The following METTL15 variants were observed in gnomAD, a reference collection of about 807,000 sequenced individuals.
METTL15 encodes the protein 12S rRNA N(4)-cytidine methyltransferase METTL15.
A neutral mutation model predicts 38.3 loss-of-function variants in METTL15; 34 were observed. That is an observed-to-expected ratio of 0.89 (90% confidence interval 0.68 to 1.18). The LOEUF is 1.18. METTL15 is among the 50% of genes most tolerant of loss of function. The probability of loss-of-function intolerance (pLI) is 0.00; values close to 1 mark genes in which losing one functional copy is unlikely to be tolerated. For missense variants in METTL15, 438 were observed against 498.4 expected (o/e 0.88, Z 1.15); for synonymous variants, 162 against 170.9 (o/e 0.95, Z 0.41).
At chr11:28,179,410 T>C (rs1421052949) in intron 3 of METTL15, among the ~76,000 whole-genome samples, 1 of 151,768 alleles carries the variant, frequency 6.6e-6, no homozygotes, top group East Asian at 1.9e-4. Flanking sequence ...TTGTAATTAC[T>C]ACTCAAATGA....
intron 6 of METTL15, among the ~76,000 whole-genome samples, chr11:28,315,580 G>T (rs1857450349): frequency 6.6e-6 from 1 of 152,230 alleles, no homozygotes; most frequent in African/African-American, 2.4e-5. Context: ...GCTGACTGCA[G>T]AAATTTGCAT....
At chr11:28,273,446 G>T (rs531049042) in intron 4 of METTL15, among the ~76,000 whole-genome samples, 43 of 151,970 alleles carry the variant, frequency 2.8e-4, no homozygotes, top group African/African-American at 9.9e-4. Flanking sequence ...TTTTCTACAA[G>T]GTAATGTAGG....
intron 5 of METTL15, among the ~76,000 whole-genome samples, chr11:28,410,421 A>C (rs1850714582): frequency 6.6e-6 from 1 of 152,144 alleles, no homozygotes; most frequent in Non-Finnish European, 1.5e-5. Context: ...GAGACTATAC[A>C]TTATGACCAT....
intron 4 of METTL15, among the ~76,000 whole-genome samples, chr11:28,260,618 C>A (rs1362967323): frequency 6.6e-6 from 1 of 152,130 alleles, no homozygotes; most frequent in Non-Finnish European, 1.5e-5. Context: ...GCTACTACCC[C>A]CAGTCTCTCT....
chr11:28,127,713 A>G (rs1041398001), intron 3 of METTL15, among the ~76,000 whole-genome samples: 51 of 152,292 alleles, frequency 3.3e-4, no homozygotes, highest in African/African-American at 1.2e-3. Context: ...TATGTAGAAT[A>G]AGCATTACCA....
intron 4 of METTL15, among the ~76,000 whole-genome samples, chr11:28,288,649 C>T (rs1490246832): frequency 1.3e-5 from 2 of 151,994 alleles, no homozygotes; most frequent in Non-Finnish European, 2.9e-5. Flanking sequence ...ACAACACACA[C>T]TGGGGCCTAC....
intron 5 of METTL15, among the ~76,000 whole-genome samples, chr11:28,395,331 G>A (rs572723000): frequency 2.6e-5 from 4 of 152,072 alleles, no homozygotes; most frequent in Non-Finnish European, 5.9e-5. Flanking sequence ...GGGATGGCAA[G>A]ATAATTAATA....
intron 4 of METTL15, among the ~76,000 whole-genome samples, chr11:28,248,815 GA>G (rs1015407557): frequency 6.7e-5 from 10 of 149,202 alleles, no homozygotes; most frequent in African/African-American, 2.5e-4. Context: ...TTTATTATTA[GA>G]AAAAAAAAGC....
chr11:28,205,042 C>G (rs904178201), intron 3 of METTL15, among the ~76,000 whole-genome samples: 2 of 151,786 alleles, frequency 1.3e-5, no homozygotes, highest in Non-Finnish European at 2.9e-5. Context: ...TTATTTGTTC[C>G]TGTGCATTTC....
At chr11:28,296,971 T>A (rs1212617106) in intron 6 of METTL15, 40 bp downstream of exon 6, 1 of 1,607,616 alleles carries the variant, frequency 6.2e-7, no homozygotes, top group African/African-American at 1.3e-5. Context: ...AGAGAAAAAA[T>A]TATATTTACA....
intron 3 of METTL15, among the ~76,000 whole-genome samples, chr11:28,170,118 C>G (rs775393824): frequency 1.3e-5 from 2 of 152,078 alleles, no homozygotes; most frequent in Non-Finnish European, 2.9e-5. Flanking sequence ...TTCTGCTGAT[C>G]AGATTTTCCA....
chr11:28,299,897 A>C (rs1179768294), intron 6 of METTL15, among the ~76,000 whole-genome samples: 1 of 151,994 alleles, frequency 6.6e-6, no homozygotes, highest in Non-Finnish European at 1.5e-5. Context: ...TGGCTTGTCG[A>C]TATATCACTG....
intron 3 of METTL15, among the ~76,000 whole-genome samples, chr11:28,176,432 G>A (rs1050272683): frequency 2.6e-5 from 4 of 152,222 alleles, no homozygotes; most frequent in African/African-American, 7.2e-5. Flanking sequence ...CTTGCCTTAC[G>A]ATTTTTACTA....
intron 3 of METTL15, among the ~76,000 whole-genome samples, chr11:28,115,923 C>CACACAT (rs1387462241): frequency 1.7e-5 from 2 of 116,796 alleles, no homozygotes; most frequent in East Asian, 2.3e-4. Context: ...CACAGACACA[C>CACACAT]ACACATACAC....
At chr11:28,238,448 A>C (rs1477265104) in intron 4 of METTL15, among the ~76,000 whole-genome samples, 1 of 152,166 alleles carries the variant, frequency 6.6e-6, no homozygotes, top group African/African-American at 2.4e-5. Context: ...CCGTTTCCTA[A>C]GCCCGTCGGA....
At chr11:28,119,070 C>T (rs957666547) in intron 3 of METTL15, among the ~76,000 whole-genome samples, 2 of 152,156 alleles carry the variant, frequency 1.3e-5, no homozygotes, top group Admixed American at 1.3e-4. Flanking sequence ...CATCTTCATC[C>T]TTCAGGCCTG....
At chr11:28,181,765 A>G (rs1304884814) in intron 3 of METTL15, among the ~76,000 whole-genome samples, 2 of 152,106 alleles carry the variant, frequency 1.3e-5, no homozygotes, top group East Asian at 3.9e-4. Context: ...ATTCTTTGGT[A>G]TATACCCAGT....
intron 4 of METTL15, among the ~76,000 whole-genome samples, chr11:28,263,605 C>A (rs554468781): frequency 2.0e-5 from 3 of 151,904 alleles, no homozygotes; most frequent in African/African-American, 7.3e-5. Flanking sequence ...AGATGTTTTT[C>A]GTCTTTCCAT....
intron 6 of METTL15, among the ~76,000 whole-genome samples, chr11:28,451,551 C>T (rs1851120761): frequency 6.6e-6 from 1 of 151,630 alleles, no homozygotes; most frequent in Non-Finnish European, 1.5e-5. Context: ...CGCCACTGCA[C>T]TCCACCCTGG....
Sources: gnomAD v4.1 joint callset for allele counts (sites outside exome capture counted in the v4.1 genomes callset) on GRCh38, gnomAD v4.1.1 for gene constraint, MANE v1.5 for transcripts, NCBI Gene and HGNC (gene_info 2026-07-23, HGNC 2026-07-21) for gene names.